Variants in POLR1A observed in about 807,000 individuals in gnomAD.
The protein encoded by POLR1A is DNA-directed RNA polymerase I subunit RPA1.
In POLR1A, 84 loss-of-function variants were observed where a neutral mutation model predicts 205.3. That is an observed-to-expected ratio of 0.41 (90% confidence interval 0.34 to 0.49). The LOEUF (loss-of-function observed/expected upper bound fraction) is 0.49. POLR1A is among the 20% of genes least tolerant of loss of function. POLR1A has a pLI of 0.22. For missense variants in POLR1A, 1,645 were observed against 2,204.5 expected, an observed-to-expected ratio of 0.75 and a Z score of 5.08; for synonymous variants, 799 against 863.7, an observed-to-expected ratio of 0.93 and a Z score of 1.31.
intron 3 of POLR1A, among the ~76,000 whole-genome samples, chr2:86,092,385 G>A (rs1298996113): frequency 1.3e-5 from 2 of 152,210 alleles, no homozygotes; most frequent in African/African-American, 2.4e-5. Context: ...ATGTGATCTC[G>A]TTCCTTTGCG....
Position 86,030,260 on chromosome 2 carries a change from T to C in POLR1A, c.4715A>G (p.Asn1572Ser), listed in dbSNP as rs747014354. The change falls in exon 31 of 34, where the codon AAC becomes AGC. Residue 1572 changes from asparagine to serine, a missense_variant. By Grantham distance (46) the Asn-to-Ser change is conservative. This residue lies in a region of POLR1A where 394 missense variants were observed against 468.5 expected (regional missense o/e 0.84). Coordinates refer to ENST00000263857, the MANE Select transcript of POLR1A (RefSeq NM_015425.6). ...CLLNETTNNK[N>S]EKELVLNTEG... Reference sequence around the variant, plus strand: ...TGTGTTTAGCACAAGCTCCTTCTCGTTCTTATTGTTGGTTGTTTCATTCAG... The same window carrying C: ...TGTGTTTAGCACAAGCTCCTTCTCGCTCTTATTGTTGGTTGTTTCATTCAG... 1 of 1,614,144 alleles carries C rather than the reference T, an allele frequency of 6.2e-7. No individual in the cohort carries two copies. Among genetic ancestry groups the C allele is most frequent in the South Asian group, 1.1e-5 (1 of 91,084 alleles).
At chr2:86,062,353 T>TGC (rs1436804974) in intron 14 of POLR1A, among the ~76,000 whole-genome samples, 7 of 152,304 alleles carry the variant, frequency 4.6e-5, no homozygotes, top group African/African-American at 1.7e-4. Flanking sequence ...GGATCCAAGG[T>TGC]GCAGTCTCTA....
In POLR1A at chr2:86,022,815, A is replaced by C. The variant is rs2104370738; in HGVS notation, c.*4608T>G. The C allele has an allele frequency of 6.6e-6, 1 of 152,310 alleles. No homozygotes were observed. The highest frequency in any genetic ancestry group is 1.5e-5 in the Non-Finnish European group (1 of 68,048). The allele number at this position is 152,310 out of a possible 1,614,324, so 9.4% of individuals were successfully genotyped here. A position where few individuals can be genotyped will look rare whatever the true frequency, so the allele number is the denominator to read the frequency against. ...GGCTAGTCTCAAACTCCTAAGCTCA[A>C]GTGATCCTCCTGCCTGAGTCTCTTA... On this transcript the variant is annotated 3_prime_UTR_variant, in exon 34 of 34. Coordinates refer to ENST00000263857, the MANE Select transcript of POLR1A (RefSeq NM_015425.6).
At chr2:86,092,673 A>G (rs934639202) in intron 3 of POLR1A, among the ~76,000 whole-genome samples, 9 of 152,124 alleles carry the variant, frequency 5.9e-5, no homozygotes, top group Admixed American at 5.2e-4. Flanking sequence ...AAAAATACAA[A>G]AATTAGCTGG....
At chr2:86,030,430 G>A in intron 30 of POLR1A, 34 bp from the exon 31 acceptor site, 1 of 1,458,110 alleles carries the variant, frequency 6.9e-7, no homozygotes, top group Non-Finnish European at 9.6e-7. Flanking sequence ...TAGGGTGACA[G>A]CTACTCCAGT....
intron 3 of POLR1A, among the ~76,000 whole-genome samples, chr2:86,091,195 C>G (rs991252028): frequency 3.9e-5 from 6 of 152,188 alleles, no homozygotes; most frequent in Non-Finnish European, 5.9e-5. Flanking sequence ...ATGCACACAG[C>G]AGAAGCAATG....
chr2:86,041,149 CTGTGTGTGTG>C (rs756415592), intron 24 of POLR1A, among the ~76,000 whole-genome samples: 169 of 122,360 alleles, frequency 1.4e-3, no homozygotes, highest in African/African-American at 3.0e-3. Context: ...CTGAGCTACA[CTGTGTGTGTG>C]TGTGTGTGTG....
rs764724696 is a variant in POLR1A, at chr2:86,030,385, C to T, written c.4590G>A (p.Lys1530=). The T allele has an allele frequency of 3.7e-6, 6 of 1,613,290 alleles. No homozygotes were observed. The highest frequency in any genetic ancestry group is 1.7e-4 in the Middle Eastern group (1 of 5,946). ...CAAAGTTGATCTTCATCAGAGGGAG[C>T]TTCACTGTCACCTGCAAAAGGAGGG... The part of the protein sequence containing the change: ...EESLWCQVTV[K]LPLMKINFDM... Residue 1530 remains lysine (K), a synonymous_variant, in exon 31 of 34, where the codon AAG becomes AAA. Coordinates refer to ENST00000263857, the MANE Select transcript of POLR1A (RefSeq NM_015425.6).
intron 14 of POLR1A, among the ~76,000 whole-genome samples, chr2:86,054,988 ACAAAG>A (rs1422691853): frequency 2.0e-5 from 3 of 152,184 alleles, no homozygotes; most frequent in Non-Finnish European, 2.9e-5. Flanking sequence ...AGCAGGCCCC[ACAAAG>A]TAGTGTCTTT....
At chr2:86,081,029 A>G (rs368270082) in intron 8 of POLR1A, 51 bp from the exon 9 acceptor site, 3 of 1,529,250 alleles carry the variant, frequency 2.0e-6, no homozygotes, top group African/African-American at 2.7e-5. Context: ...GGAAAGGGTC[A>G]TGTTCTTCAG....
At chr2:86,098,492 T>C (rs1673749295) in intron 3 of POLR1A, 119 bp downstream of exon 3, 13 of 964,580 alleles carry the variant, frequency 1.3e-5, no homozygotes, top group East Asian at 2.5e-5. Flanking sequence ...AGTTATAAGA[T>C]ATAAAGATCA....
intron 9 of POLR1A, among the ~76,000 whole-genome samples, chr2:86,079,612 G>A (rs1233859248): frequency 6.6e-6 from 1 of 152,022 alleles, no homozygotes; most frequent in African/African-American, 2.4e-5. Context: ...ACCCAGGCTG[G>A]AGGGCAGTGG....
Position 86,105,815 on chromosome 2 carries a change from G to T in POLR1A, c.-39C>A, listed in dbSNP as rs769842556. 3.2e-5 allele frequency: 49 copies of T among 1,513,614 alleles called. No individual in the cohort carries two copies. The highest frequency in any genetic ancestry group is 4.1e-5 in the Non-Finnish European group (45 of 1,088,788). 93.8% of individuals were successfully genotyped at this position (1,513,614 alleles called of 1,614,324 possible). A position where few individuals can be genotyped will look rare whatever the true frequency, so the allele number is the denominator to read the frequency against. On this transcript the variant is annotated 5_prime_UTR_variant, in exon 1 of 34. Coordinates refer to ENST00000263857, the MANE Select transcript of POLR1A (RefSeq NM_015425.6). ...TTTGAATTCCGACACCCCAAGAGACGTTCCACTCACCACCTGACTATTCTT... is the reference window on the plus strand; with the variant it reads ...TTTGAATTCCGACACCCCAAGAGACTTTCCACTCACCACCTGACTATTCTT...
chr2:86,034,193 T>C (rs547973524), intron 27 of POLR1A, among the ~76,000 whole-genome samples: 1 of 152,342 alleles, frequency 6.6e-6, no homozygotes, highest in East Asian at 1.9e-4. Context: ...AGGACAGTTG[T>C]AGGTGCCGCT....
chr2:86,045,241 G>C (rs1672690023), intron 21 of POLR1A, 37 bp downstream of exon 21: 1 of 1,321,166 alleles, frequency 7.6e-7, no homozygotes, highest in Admixed American at 1.7e-5. Context: ...AAGGGCCCTG[G>C]CACTCTACCT....
intron 3 of POLR1A, among the ~76,000 whole-genome samples, chr2:86,098,102 T>C (rs1462328312): frequency 1.3e-5 from 2 of 152,204 alleles, no homozygotes; most frequent in Non-Finnish European, 2.9e-5. Flanking sequence ...ACCTGACATA[T>C]GCCTCCTAAA....
In POLR1A at chr2:86,039,736, G is replaced by C. The variant is rs1366009445; in HGVS notation, c.3741-274C>G. Among the ~76,000 whole-genome samples, 3 of 152,192 alleles carry C rather than the reference G, an allele frequency of 2.0e-5. No individual in the cohort carries two copies. In the East Asian group the frequency reaches 5.8e-4, roughly 29 times the overall value. On this transcript the variant is annotated intron_variant, in intron 25 of 33. Coordinates refer to ENST00000263857, the MANE Select transcript of POLR1A (RefSeq NM_015425.6). ...ATCACCTGTGCCTTGCAAACAACAGGTGCCTGCTGACGCTTACTGAATGAA... is the reference window on the plus strand; with the variant it reads ...ATCACCTGTGCCTTGCAAACAACAGCTGCCTGCTGACGCTTACTGAATGAA...
At chr2:86,082,300 C>T (rs149396597) in intron 7 of POLR1A, among the ~76,000 whole-genome samples, 2 of 152,102 alleles carry the variant, frequency 1.3e-5, no homozygotes, top group African/African-American at 2.4e-5. Flanking sequence ...TAATCACCCT[C>T]CTGGACTATT....
At chr2:86,059,065 G>A (rs183504749) in intron 14 of POLR1A, among the ~76,000 whole-genome samples, 7 of 152,166 alleles carry the variant, frequency 4.6e-5, no homozygotes, top group East Asian at 3.9e-4. Context: ...GGTAATAATC[G>A]GAACATCCAC....
Sources: gnomAD v4.1 joint callset for allele counts (sites outside exome capture counted in the v4.1 genomes callset) on GRCh38, gnomAD v4.1.1 for gene constraint, gnomAD v4.1.1 regional missense constraint, MANE v1.5 for transcripts, NCBI Gene and HGNC (gene_info 2026-07-23, HGNC 2026-07-21) for gene names.